KDM5A: variants seen among roughly 807,000 people sequenced by gnomAD.
The protein encoded by KDM5A is lysine-specific demethylase 5A.
Under a neutral mutation model 193.5 loss-of-function variants are expected in KDM5A, and 42 were observed. The ratio of observed to expected loss-of-function variants is 0.22; its 90% CI spans 0.17 to 0.28. The LOEUF (loss-of-function observed/expected upper bound fraction) is 0.28, where lower values mean the gene tolerates loss of function less well. Among genes scored for constraint, KDM5A ranks in the 10% least tolerant of loss-of-function variants. The pLI is 1.00. For missense variants in KDM5A, 1,692 were observed against 2,055.1 expected (o/e 0.82, Z 3.42); for synonymous variants, 796 against 718.1 (o/e 1.11, Z -1.73).
chr12:345,994 G>C (rs751626655), intron 10 of KDM5A, among the ~76,000 whole-genome samples: 14 of 151,972 alleles, frequency 9.2e-5, no homozygotes, highest in Non-Finnish European at 1.5e-4. Flanking sequence ...TTTTTGAAAA[G>C]ATCAACAAAA....
At chr12:319,965 G>A (rs967248230) in intron 18 of KDM5A, among the ~76,000 whole-genome samples, 3 of 152,094 alleles carry the variant, frequency 2.0e-5, no homozygotes, top group Admixed American at 1.3e-4. Flanking sequence ...AGAAAGGGCC[G>A]AGACTCCTAA....
rs1302291905 is a variant in KDM5A at position 284,103 on chromosome 12, T to C, written c.*1353A>G. 4.3e-6 allele frequency: 1 copy of C among 231,914 alleles called. No individual in the cohort carries two copies. Among genetic ancestry groups the C allele is most frequent in the African/African-American group, 2.2e-5 (1 of 45,072 alleles). The allele number at this position is 231,914 out of a possible 1,614,324, so 14.4% of individuals were successfully genotyped here. A position where few individuals can be genotyped will look rare whatever the true frequency, so the allele number is the denominator to read the frequency against. ...CTGGGATGGAGGAGGGAGTGCTAAC[T>C]CCTTGTACTACAAAGAAGGAATGGG... On this transcript the variant is annotated 3_prime_UTR_variant, in exon 28 of 28. Coordinates refer to ENST00000399788, the MANE Select transcript of KDM5A (RefSeq NM_001042603.3).
chr12:297,545 A>C (rs1160249441), intron 24 of KDM5A, among the ~76,000 whole-genome samples: 2 of 152,218 alleles, frequency 1.3e-5, no homozygotes, highest in East Asian at 3.8e-4. Context: ...CGGGTTTTCT[A>C]AGACCCTAAA....
chr12:375,060 T>C (rs951726226), intron 3 of KDM5A, among the ~76,000 whole-genome samples: 4 of 152,150 alleles, frequency 2.6e-5, no homozygotes, highest in African/African-American at 7.2e-5. Context: ...TGTCTTGGAG[T>C]TGCTCTTCTC....
chr12:318,501 T>G, intron 18 of KDM5A, 40 bp from the exon 19 acceptor site: 1 of 1,460,532 alleles, frequency 6.8e-7, no homozygotes, highest in African/African-American at 1.4e-5. Flanking sequence ...AAAAACAAAT[T>G]TAAAACATAC....
At chr12:295,179 C>A (rs1053217607) in intron 26 of KDM5A, among the ~76,000 whole-genome samples, 1 of 150,036 alleles carries the variant, frequency 6.7e-6, no homozygotes, top group South Asian at 2.1e-4. Context: ...AACTTAGATA[C>A]TACCTAAAAG....
intron 3 of KDM5A, among the ~76,000 whole-genome samples, chr12:381,557 T>A (rs1254930588): frequency 2.0e-5 from 3 of 148,904 alleles, no homozygotes; most frequent in Non-Finnish European, 4.4e-5. Flanking sequence ...ATTTTTATCC[T>A]AATAGTTCCC....
chr12:364,717 G>A (rs1287097975), intron 4 of KDM5A, among the ~76,000 whole-genome samples: 45 of 150,000 alleles, frequency 3.0e-4, no homozygotes, highest in Non-Finnish European at 4.7e-4. Context: ...CCCAGGAGGC[G>A]GAGCTTGCAG....
At chr12:378,271 C>G (rs372587530) in intron 3 of KDM5A, among the ~76,000 whole-genome samples, 1 of 151,782 alleles carries the variant, frequency 6.6e-6, no homozygotes, top group East Asian at 1.9e-4. Context: ...TCATTTTAAG[C>G]CCCCTTTTTT....
chr12:354,395 A>G (rs2137455024), intron 7 of KDM5A, among the ~76,000 whole-genome samples, 161 bp from the exon 8 acceptor site: 1 of 152,380 alleles, frequency 6.6e-6, no homozygotes, highest in Non-Finnish European at 1.5e-5. Context: ...ACAGCTTTTC[A>G]TAAAACTCCC....
intron 5 of KDM5A, among the ~76,000 whole-genome samples, chr12:358,744 C>T (rs1002862218): frequency 3.3e-5 from 5 of 152,142 alleles, no homozygotes; most frequent in African/African-American, 9.6e-5. Flanking sequence ...GAGGCTGAGG[C>T]GGGTGGATCA....
At chr12:343,456 C>T (rs1321839553) in intron 10 of KDM5A, among the ~76,000 whole-genome samples, 1 of 152,202 alleles carries the variant, frequency 6.6e-6, no homozygotes, top group East Asian at 1.9e-4. Flanking sequence ...ACTGCCTCCT[C>T]GAGTAGGTCC....
rs1370509284 is a variant in KDM5A, at chr12:326,881, A to G, written c.1968+1954T>C. 3.3e-5 allele frequency among the ~76,000 whole-genome samples: 5 copies of G among 150,916 alleles called. No individual in the cohort carries two copies. In the East Asian group the frequency reaches 9.7e-4, roughly 29 times the overall value. On this transcript the variant is annotated intron_variant, in intron 14 of 27. Transcript: ENST00000399788. Reference sequence around the variant, plus strand: ...CTCTGTCTCAAAAAAAAAAAAAAAAAAAAAAAAAAAGAAAAGAAACCATTG... The same window carrying G: ...CTCTGTCTCAAAAAAAAAAAAAAAAGAAAAAAAAAAGAAAAGAAACCATTG...
intron 18 of KDM5A, among the ~76,000 whole-genome samples, chr12:320,131 A>G (rs1368198496): frequency 6.6e-6 from 1 of 152,208 alleles, no homozygotes; most frequent in African/African-American, 2.4e-5. Flanking sequence ...TCAACTATCA[A>G]AATGCTCTTA....
rs1943178815 is a variant in KDM5A at position 283,377 on chromosome 12, T to C, written c.*2079A>G. 4.3e-6 allele frequency: 1 copy of C among 232,590 alleles called. No individual in the cohort carries two copies. The highest frequency in any genetic ancestry group is 8.5e-6 in the Non-Finnish European group (1 of 117,478). 14.4% of individuals were successfully genotyped at this position (232,590 alleles called of 1,614,324 possible). A position where few individuals can be genotyped will look rare whatever the true frequency, so the allele number is the denominator to read the frequency against. On this transcript the variant is annotated 3_prime_UTR_variant, in exon 28 of 28. Coordinates refer to ENST00000399788, the MANE Select transcript of KDM5A (RefSeq NM_001042603.3). The stretch of plus-strand genomic sequence containing the variant: ...CAATATCCATTGAAATCTTCGATCA[T>C]ACACAAACTTACTTCAGATGAGACC...
In KDM5A at chr12:355,262, A is replaced by C. The variant is rs1050818315; in HGVS notation, c.779-13T>G. 10 of 1,520,064 alleles carry C rather than the reference A, an allele frequency of 6.6e-6. No homozygotes were observed. The highest frequency in any genetic ancestry group is 1.4e-5 in the African/African-American group (1 of 73,162). 94.2% of individuals were successfully genotyped at this position (1,520,064 alleles called of 1,614,324 possible). ...CGGGTGACCTCATCTTGAAATAAAAAGTTACACAATAATAGTAAAAACCAA... is the reference window on the plus strand; with the variant it reads ...CGGGTGACCTCATCTTGAAATAAAACGTTACACAATAATAGTAAAAACCAA... On this transcript the variant is annotated splice_polypyrimidine_tract_variant and intron_variant, in intron 6 of 27. Transcript: ENST00000399788.
At chr12:342,537 G>A (rs979525176) in intron 10 of KDM5A, among the ~76,000 whole-genome samples, 1 of 152,044 alleles carries the variant, frequency 6.6e-6, no homozygotes, top group South Asian at 2.1e-4. Context: ...TCGGCTCACT[G>A]CAACCTCCGC....
rs771185340 is a variant in KDM5A at position 307,796 on chromosome 12, G to C, written c.3588C>G (p.Ser1196=). ...NSCVPLPKSS[S]QKKGSSWQAK... is the part of the protein sequence containing the mutation. ...CTTGCCAGCTGGATCCTTTTTTTTGGGAACTTGATTTAGGAAGAGGAACAC... is the reference window on the plus strand; with the variant it reads ...CTTGCCAGCTGGATCCTTTTTTTTGCGAACTTGATTTAGGAAGAGGAACAC... The change falls in exon 23 of 28, where the codon TCC becomes TCG. Residue 1196 remains serine, a synonymous_variant. Transcript: ENST00000399788. The surrounding 1 kb of genome is among the most constrained non-coding windows in gnomAD (Gnocchi z 4.3). The C allele has an allele frequency of 1.9e-6, 3 of 1,613,960 alleles. No homozygotes were observed. The highest frequency in any genetic ancestry group is 2.5e-6 in the Non-Finnish European group (3 of 1,179,990).
intron 24 of KDM5A, among the ~76,000 whole-genome samples, chr12:299,776 G>T (rs932878304): frequency 6.6e-6 from 1 of 151,976 alleles, no homozygotes; most frequent in Non-Finnish European, 1.5e-5. Context: ...AGACCCACCA[G>T]TGTGCTGTAT....
Sources: gnomAD v4.1 joint callset for allele counts (sites outside exome capture counted in the v4.1 genomes callset) on GRCh38, gnomAD v4.1.1 for gene constraint, Gnocchi (gnomAD v3.1) non-coding constraint, MANE v1.5 for transcripts, NCBI Gene and HGNC (gene_info 2026-07-23, HGNC 2026-07-21) for gene names.